NRP1: variants seen among roughly 807,000 people sequenced by gnomAD.
NRP1 encodes neuropilin-1.
Under a neutral mutation model 106.7 loss-of-function variants are expected in NRP1, and 35 were observed. The observed-to-expected ratio is 0.33, with a 90% CI of 0.25 to 0.43. The LOEUF (loss-of-function observed/expected upper bound fraction) is 0.43. Among genes scored for constraint, NRP1 ranks in the 20% least tolerant of loss-of-function variants. The pLI is 1.00. For missense variants in NRP1, 1,024 were observed against 1,170.4 expected, an observed-to-expected ratio of 0.87 and a Z score of 1.83; for synonymous variants, 437 against 417.9, an observed-to-expected ratio of 1.05 and a Z score of -0.56.
In NRP1 at chr10:33,213,377, A is replaced by C; in HGVS notation, c.1614+9T>G. The stretch of plus-strand genomic sequence containing the variant: ...AAGGGATGACCTCCTCCCAGTCCCC[A>C]GCCCTCACCTTCGCCTTGCGTTTGC... On this transcript the variant is annotated intron_variant, in intron 9 of 16. Coordinates refer to ENST00000374867, the MANE Select transcript of NRP1 (RefSeq NM_003873.7). 1 of 1,614,068 alleles carries C rather than the reference A, an allele frequency of 6.2e-7. No individual in the cohort carries two copies. The highest frequency in any genetic ancestry group is 8.5e-7 in the Non-Finnish European group (1 of 1,180,020).
At chr10:33,281,392 A>G (rs1844120502) in intron 2 of NRP1, among the ~76,000 whole-genome samples, 1 of 151,540 alleles carries the variant, frequency 6.6e-6, no homozygotes, top group Non-Finnish European at 1.5e-5. Context: ...TTTTTTTATC[A>G]CAGTCATGCA....
chr10:33,241,051 A>C (rs142907938), intron 6 of NRP1, among the ~76,000 whole-genome samples: 56 of 152,354 alleles, frequency 3.7e-4, no homozygotes, highest in African/African-American at 1.3e-3. Flanking sequence ...ATGAATTTTC[A>C]AAGAATGACT....
At chr10:33,276,282 A>C (rs1040517464) in intron 2 of NRP1, among the ~76,000 whole-genome samples, 2 of 152,298 alleles carry the variant, frequency 1.3e-5, no homozygotes, top group African/African-American at 4.8e-5. Context: ...AACAACAACA[A>C]CACTATCTTG....
At chr10:33,314,065 TCC>T (rs1846828123) in intron 2 of NRP1, among the ~76,000 whole-genome samples, 1 of 137,254 alleles carries the variant, frequency 7.3e-6, no homozygotes, top group African/African-American at 2.7e-5. Flanking sequence ...TATTCCTCCC[TCC>T]CTCCCTCCCT....
rs1042447462 is a variant in NRP1, at chr10:33,302,089, T to TA, written c.248+28618dup. 6.6e-5 allele frequency among the ~76,000 whole-genome samples: 10 copies of TA among 151,748 alleles called. No individual in the cohort carries two copies. The East Asian group carries it at 1.2e-3, about 18-fold the overall frequency. ...TACTTAGTACAGAGTCTCTGTATAA[T>TA]AAAAAAAAATTTCCAATTTCTCCAA... is the stretch of plus-strand genomic sequence containing the variant. On this transcript the variant is annotated intron_variant, in intron 2 of 16. Transcript: ENST00000374867.
At chr10:33,281,285 A>T (rs1006408167) in intron 2 of NRP1, among the ~76,000 whole-genome samples, 1 of 152,164 alleles carries the variant, frequency 6.6e-6, no homozygotes, top group Non-Finnish European at 1.5e-5. Context: ...CTTGGCTTCA[A>T]GCAATCCACC....
chr10:33,291,702 C>T (rs1347888126), intron 2 of NRP1, among the ~76,000 whole-genome samples: 1 of 152,068 alleles, frequency 6.6e-6, no homozygotes, highest in Non-Finnish European at 1.5e-5. Context: ...TGTAAATGAA[C>T]ATTTAAAACA....
chr10:33,298,833 A>G lies in NRP1; in HGVS notation c.249-27977T>C, dbSNP rs1465358767. Among the ~76,000 whole-genome samples the G allele has an allele frequency of 2.0e-5, 3 of 152,316 alleles. No homozygotes were observed. In the East Asian group the frequency reaches 5.8e-4, roughly 29 times the overall value. ...CAGGCACACCGTAGACACCACACGA[A>G]TTCTAGCTGTCATATTCCAGGCCTA... is the stretch of plus-strand genomic sequence containing the variant. On this transcript the variant is annotated intron_variant, in intron 2 of 16. Coordinates refer to ENST00000374867, the MANE Select transcript of NRP1 (RefSeq NM_003873.7).
chr10:33,197,498 A>C (rs1836867984), intron 12 of NRP1, 152 bp downstream of exon 12: 1 of 504,076 alleles, frequency 2.0e-6, no homozygotes. Context: ...TGTGGATGAA[A>C]GGAAAGCAAT....
chr10:33,205,311 A>G (rs1837680804), intron 10 of NRP1: 1 of 152,202 alleles, frequency 6.6e-6, no homozygotes, highest in African/African-American at 2.4e-5. Flanking sequence ...GTGCTTGGAA[A>G]CATCTGTAGG....
At chr10:33,303,658 G>A (rs78865846) in intron 2 of NRP1, among the ~76,000 whole-genome samples, 1 of 152,260 alleles carries the variant, frequency 6.6e-6, no homozygotes, top group African/African-American at 2.4e-5. Context: ...GTCAGAGGTT[G>A]GTGGTTAATG....
chr10:33,201,313 G>A (rs1837286410), intron 11 of NRP1: 1 of 152,204 alleles, frequency 6.6e-6, no homozygotes, highest in Non-Finnish European at 1.5e-5. Context: ...GAGTAAATCT[G>A]AGGCTTTGTT....
chr10:33,316,722 C>G (rs1847067207), intron 2 of NRP1, among the ~76,000 whole-genome samples: 1 of 152,194 alleles, frequency 6.6e-6, no homozygotes, highest in South Asian at 2.1e-4. Context: ...GGCCCCAACA[C>G]TGGGGAGTTG....
chr10:33,251,126 C>T (rs1841825599), intron 6 of NRP1, among the ~76,000 whole-genome samples: 1 of 152,038 alleles, frequency 6.6e-6, no homozygotes, highest in South Asian at 2.1e-4. Context: ...GGCGGTTTTC[C>T]CCGTGCTCTT....
At chr10:33,259,296 A>G (rs1250937545) in intron 4 of NRP1, among the ~76,000 whole-genome samples, 1 of 152,036 alleles carries the variant, frequency 6.6e-6, no homozygotes, top group Non-Finnish European at 1.5e-5. Context: ...ACAGCGTGCC[A>G]CTCTCTTTAG....
chr10:33,210,210 G>A (rs538961693), intron 9 of NRP1, among the ~76,000 whole-genome samples: 2 of 150,276 alleles, frequency 1.3e-5, no homozygotes, highest in Non-Finnish European at 3.0e-5. Context: ...TTTTTATCAA[G>A]AGTAAATTCA....
At chr10:33,237,968 C>T (rs1279813129) in intron 6 of NRP1, among the ~76,000 whole-genome samples, 1 of 152,182 alleles carries the variant, frequency 6.6e-6, no homozygotes, top group Non-Finnish European at 1.5e-5. Flanking sequence ...TGCACACAAA[C>T]ACTTTTGTAT....
At chr10:33,202,834 C>A (rs1837448721) in intron 11 of NRP1, 57 bp downstream of exon 11, 2 of 1,614,086 alleles carry the variant, frequency 1.2e-6, no homozygotes, top group Non-Finnish European at 8.5e-7. Flanking sequence ...GTTAGCTGGT[C>A]CCAACTAAGA....
At chr10:33,284,471 G>A (rs10763923) in intron 2 of NRP1, among the ~76,000 whole-genome samples, 92,633 of 151,972 alleles carry the variant, frequency 0.61, 28,705 homozygotes, top group East Asian at 0.68. Context: ...AATAAAACAG[G>A]CCTTTTGGAA....
Sources: allele counts gnomAD v4.1 joint callset (sites outside exome capture counted in the v4.1 genomes callset), GRCh38; gene constraint gnomAD v4.1.1; transcripts MANE v1.5; gene names NCBI Gene and HGNC (gene_info 2026-07-23, HGNC 2026-07-21).